The following PRRX2 variants were observed in gnomAD, a reference collection of about 807,000 sequenced individuals.
PRRX2 encodes paired related homeobox 2.
In PRRX2, 11 loss-of-function variants were observed where a neutral mutation model predicts 18.0. The ratio of observed to expected loss-of-function variants is 0.61; its 90% CI spans 0.39 to 1.01. PRRX2 has a LOEUF of 1.01. Among genes scored for constraint, PRRX2 ranks in the 50% least tolerant of loss-of-function variants. The pLI, the probability that PRRX2 is intolerant of heterozygous loss-of-function variation, is 0.01. For synonymous variants in PRRX2, 177 were observed against 154.8 expected, an observed-to-expected ratio of 1.14 and a Z score of -1.06; for missense variants, 387 against 351.0, an observed-to-expected ratio of 1.10 and a Z score of -0.82.
chr9:129,700,192 G>T lies in PRRX2; in HGVS notation c.260-19039G>T, dbSNP rs368726956. ...GAAGATCTTGTTATCCCCATTTTCT[G>T]GATGGGATAACTGAAGCACAGAGAG... is the stretch of plus-strand genomic sequence containing the variant. On this transcript the variant is annotated intron_variant, in intron 1 of 3. Transcript: ENST00000372469. Among the ~76,000 whole-genome samples the T allele has an allele frequency of 2.6e-5, 4 of 152,172 alleles. No individual in the cohort carries two copies. The East Asian group carries it at 5.8e-4, about 22-fold the overall frequency.
chr9:129,666,889 C>G (rs1299442433), intron 1 of PRRX2, among the ~76,000 whole-genome samples: 1 of 152,222 alleles, frequency 6.6e-6, no homozygotes, highest in Non-Finnish European at 1.5e-5. Flanking sequence ...AAACCAGGCC[C>G]CTGTCCCCTA....
At chr9:129,690,381 AT>A (rs1432752831) in intron 1 of PRRX2, among the ~76,000 whole-genome samples, 1 of 152,104 alleles carries the variant, frequency 6.6e-6, no homozygotes, top group African/African-American at 2.4e-5. Flanking sequence ...AATGGGTAGG[AT>A]CTGAACCCTG....
At chr9:129,705,983 C>G (rs1452658042) in intron 1 of PRRX2, among the ~76,000 whole-genome samples, 1 of 152,062 alleles carries the variant, frequency 6.6e-6, no homozygotes, top group African/African-American at 2.4e-5. Flanking sequence ...CACTCCTCAC[C>G]CCCTGTCACC....
chr9:129,673,414 A>C (rs1047487326), intron 1 of PRRX2, among the ~76,000 whole-genome samples: 7 of 152,116 alleles, frequency 4.6e-5, no homozygotes, highest in Non-Finnish European at 1.0e-4. Flanking sequence ...CTGTGATTAC[A>C]CCACTGCACT....
chr9:129,681,904 G>A (rs1289923462), intron 1 of PRRX2, among the ~76,000 whole-genome samples: 3 of 152,158 alleles, frequency 2.0e-5, no homozygotes, highest in East Asian at 3.9e-4. Context: ...TGGGGATCAC[G>A]GGCACATGTT....
intron 1 of PRRX2, among the ~76,000 whole-genome samples, chr9:129,717,394 C>T (rs1336408161): frequency 2.6e-5 from 4 of 151,760 alleles, no homozygotes. Context: ...TATTTGTAAT[C>T]TTAGAAAATG....
chr9:129,690,166 C>A (rs1046145696), intron 1 of PRRX2, among the ~76,000 whole-genome samples: 1 of 152,160 alleles, frequency 6.6e-6, no homozygotes, highest in African/African-American at 2.4e-5. Flanking sequence ...CCTTACCCAG[C>A]CTGTCCTCCT....
chr9:129,689,379 G>T (rs905284377), intron 1 of PRRX2, among the ~76,000 whole-genome samples: 7 of 152,210 alleles, frequency 4.6e-5, no homozygotes, highest in African/African-American at 1.2e-4. Context: ...TTGGCTTAGT[G>T]CTCCGCTTGA....
intron 1 of PRRX2, among the ~76,000 whole-genome samples, chr9:129,682,330 C>G (rs891664524): frequency 4.0e-5 from 6 of 151,808 alleles, no homozygotes; most frequent in Admixed American, 1.3e-4. Flanking sequence ...GCTGTGCGCA[C>G]TATGTTACTA....
In PRRX2 at chr9:129,666,041, C is replaced by G; in HGVS notation, c.174C>G (p.Arg58=). 1 of 1,055,492 alleles carries G rather than the reference C, an allele frequency of 9.5e-7. No homozygotes were observed. The highest frequency in any genetic ancestry group is 1.1e-6 in the Non-Finnish European group (1 of 879,540). The allele number at this position is 1,055,492 out of a possible 1,614,324, so 65.4% of individuals were successfully genotyped here. A position where few individuals can be genotyped will look rare whatever the true frequency, so the allele number is the denominator to read the frequency against. The change falls in exon 1 of 4, where the codon CGC becomes CGG. Residue 58 remains arginine, a synonymous_variant. Coordinates refer to ENST00000372469, the MANE Select transcript of PRRX2 (RefSeq NM_016307.4). ...EVAAAGRLAA[R]PGARAEAREG... ...CGGCGGCCGGGCGGCTGGCGGCGCG[C>G]CCCGGGGCCAGGGCCGAGGCGCGGG...
In PRRX2 at chr9:129,699,073, C is replaced by T. The variant is rs145973158; in HGVS notation, c.260-20158C>T. ...GAGCACCAGCAAAGCCAGGCTGAAG[C>T]ATTTCCCTGTGGGAGGTGATTTCCC... On this transcript the variant is annotated intron_variant, in intron 1 of 3. Coordinates refer to ENST00000372469, the MANE Select transcript of PRRX2 (RefSeq NM_016307.4). Among the ~76,000 whole-genome samples, 491 of 152,330 alleles carry T rather than the reference C, an allele frequency of 3.2e-3. 3 individuals carry two copies. The highest frequency in any genetic ancestry group is 0.012 in the Admixed American group (184 of 15,300).
In PRRX2 at chr9:129,718,062, G is replaced by A. The variant is rs570947768; in HGVS notation, c.260-1169G>A. On this transcript the variant is annotated intron_variant, in intron 1 of 3. Coordinates refer to ENST00000372469, the MANE Select transcript of PRRX2 (RefSeq NM_016307.4). Reference sequence around the variant, plus strand: ...TTAAATGTGGAAATAGTAGCTGGACGCCCCCCCACCCCCTCCCCCAAGGTA... The same window carrying A: ...TTAAATGTGGAAATAGTAGCTGGACACCCCCCCACCCCCTCCCCCAAGGTA... Among the ~76,000 whole-genome samples the A allele has an allele frequency of 7.4e-4, 112 of 151,672 alleles. 1 individual carries two copies. Among genetic ancestry groups the A allele is most frequent in the African/African-American group, 2.5e-3 (104 of 41,348 alleles).
intron 1 of PRRX2, among the ~76,000 whole-genome samples, chr9:129,678,742 G>A (rs940558736): frequency 6.6e-6 from 1 of 152,150 alleles, no homozygotes; most frequent in Non-Finnish European, 1.5e-5. Flanking sequence ...GTGGGGATGC[G>A]TTCTGTGTGT....
intron 1 of PRRX2, among the ~76,000 whole-genome samples, chr9:129,688,903 T>C (rs975858136): frequency 6.6e-6 from 1 of 152,224 alleles, no homozygotes; most frequent in African/African-American, 2.4e-5. Flanking sequence ...CTCTGCGGCC[T>C]CAGGCTTCTC....
intron 1 of PRRX2, among the ~76,000 whole-genome samples, chr9:129,670,244 C>T (rs755018908): frequency 1.3e-4 from 19 of 151,894 alleles, no homozygotes; most frequent in Non-Finnish European, 1.9e-4. Context: ...TCTACAGACA[C>T]GTGGGTTGTT....
At chr9:129,704,740 C>T (rs908721395) in intron 1 of PRRX2, among the ~76,000 whole-genome samples, 11 of 152,158 alleles carry the variant, frequency 7.2e-5, no homozygotes, top group Non-Finnish European at 1.2e-4. Context: ...CCTGAGTCCT[C>T]GAGACGACAA....
At chr9:129,699,190 A>T (rs1832465435) in intron 1 of PRRX2, among the ~76,000 whole-genome samples, 1 of 152,252 alleles carries the variant, frequency 6.6e-6, no homozygotes, top group South Asian at 2.1e-4. Context: ...TGGGAGGCCA[A>T]GGTGGGCAGA....
In PRRX2 at chr9:129,677,785, A is replaced by T. The variant is rs191407248; in HGVS notation, c.259+11659A>T. On this transcript the variant is annotated intron_variant, in intron 1 of 3. Transcript: ENST00000372469. ...CTGCGGGAGGAGAGTGTCAGGGCTCAAAGCGGGAAATTGCTAGAGACAAGA... is the reference window on the plus strand; with the variant it reads ...CTGCGGGAGGAGAGTGTCAGGGCTCTAAGCGGGAAATTGCTAGAGACAAGA... Among the ~76,000 whole-genome samples, 7 of 152,342 alleles carry T rather than the reference A, an allele frequency of 4.6e-5. No individual in the cohort carries two copies. The East Asian group carries it at 1.4e-3, about 29-fold the overall frequency.
intron 1 of PRRX2, among the ~76,000 whole-genome samples, chr9:129,714,533 C>T (rs952765891): frequency 2.0e-5 from 3 of 152,198 alleles, no homozygotes; most frequent in South Asian, 4.1e-4. Context: ...TCTGGCTGAG[C>T]GCATCCCATC....
Sources: gnomAD v4.1 joint callset for allele counts (sites outside exome capture counted in the v4.1 genomes callset) on GRCh38, gnomAD v4.1.1 for gene constraint, MANE v1.5 for transcripts, NCBI Gene and HGNC (gene_info 2026-07-23, HGNC 2026-07-21) for gene names.